ATP2A3: variants seen among roughly 807,000 people sequenced by gnomAD.
ATP2A3 encodes the protein sarcoplasmic/endoplasmic reticulum calcium ATPase 3.
In ATP2A3, 61 loss-of-function variants were observed where a neutral mutation model predicts 106.8. That is an observed-to-expected ratio of 0.57 (90% CI 0.46 to 0.71). The LOEUF (loss-of-function observed/expected upper bound fraction) is 0.71, where lower values mean the gene tolerates loss of function less well. ATP2A3 is among the 30% of genes least tolerant of loss of function. ATP2A3 has a pLI of 0.00. For missense variants in ATP2A3, 1,201 were observed against 1,423.5 expected (o/e 0.84, Z 2.52); for synonymous variants, 611 against 609.3 (o/e 1.00, Z -0.04).
chr17:3,937,352 T>A (rs1328393076), intron 15 of ATP2A3, 64 bp downstream of exon 15: 1 of 1,547,496 alleles, frequency 6.5e-7, no homozygotes, highest in African/African-American at 1.4e-5. Flanking sequence ...GAACAGGCGT[T>A]TTCCCCATCT....
At chr17:3,954,496 GA>G (rs2054646883) in intron 1 of ATP2A3, among the ~76,000 whole-genome samples, 1 of 120,644 alleles carries the variant, frequency 8.3e-6, no homozygotes, top group Admixed American at 8.9e-5. Context: ...TTGAGGTGCT[GA>G]TTTTTTTTTT....
intron 1 of ATP2A3, among the ~76,000 whole-genome samples, chr17:3,962,503 A>G (rs2055194682): frequency 1.3e-5 from 2 of 152,006 alleles, no homozygotes; most frequent in South Asian, 2.1e-4. Flanking sequence ...TCCCTCCCCA[A>G]CTTTTCCCAT....
intron 1 of ATP2A3, among the ~76,000 whole-genome samples, chr17:3,957,184 A>G (rs2054831745): frequency 6.6e-6 from 1 of 152,198 alleles, no homozygotes; most frequent in South Asian, 2.1e-4. Context: ...CCTTATTCTC[A>G]TGATCCGCAA....
chr17:3,930,474 G>A lies in ATP2A3; in HGVS notation c.2611-40C>T. 6.2e-7 allele frequency: 1 copy of A among 1,611,528 alleles called. No individual in the cohort carries two copies. Among genetic ancestry groups the A allele is most frequent in the Non-Finnish European group, 8.5e-7 (1 of 1,179,772 alleles). On this transcript the variant is annotated intron_variant, in intron 17 of 20. Transcript: ENST00000397041. The surrounding 1 kb of genome is among the most constrained non-coding windows in gnomAD (Gnocchi z 5.4). ...GCAGGTCAGAGAGAGCGGCAGGTCA[G>A]GCGAGGGGCTGGTGGGTGGGAGGAG...
rs762316175 is a variant in ATP2A3 at position 3,943,477 on chromosome 17, G to C, written c.1333C>G (p.Leu445Val). ...EKVGEATETA[L>V]TCLVEKMNVF... ...TTCATCTTCTCCACCAGGCAAGTCA[G>C]AGCTGTCTCCGTGGCCTCTCCCACC... Residue 445 changes from leucine to valine, a missense_variant, in exon 11 of 21, where the codon CTG (leucine) becomes GTG (valine). Transcript: ENST00000397041. 1 of 1,614,092 alleles carries C rather than the reference G, an allele frequency of 6.2e-7. No homozygotes were observed. Among genetic ancestry groups the C allele is most frequent in the Non-Finnish European group, 8.5e-7 (1 of 1,179,996 alleles).
chr17:3,946,999 C>T (rs1175386787), intron 8 of ATP2A3, among the ~76,000 whole-genome samples: 2 of 152,222 alleles, frequency 1.3e-5, no homozygotes, highest in African/African-American at 4.8e-5. Flanking sequence ...GTCGACTGCA[C>T]AGAGTCATGA....
chr17:3,940,884 C>G (rs2053723137), intron 14 of ATP2A3, 87 bp downstream of exon 14: 1 of 1,425,142 alleles, frequency 7.0e-7, no homozygotes, highest in Admixed American at 1.7e-5. Context: ...AAGAATGAGG[C>G]AGAGGGGAGA....
At chr17:3,960,860 G>A (rs575792962) in intron 1 of ATP2A3, among the ~76,000 whole-genome samples, 38 of 152,286 alleles carry the variant, frequency 2.5e-4, no homozygotes, top group African/African-American at 8.7e-4. Flanking sequence ...CCAGGAATGC[G>A]TCCTTCAGTG....
rs2054035217 is a variant in ATP2A3, at chr17:3,945,098, G to T, written c.1146C>A (p.Phe382Leu). Residue 382 changes from phenylalanine to leucine, a missense_variant, in exon 9 of 21, where the codon TTC (phenylalanine) becomes TTA (leucine). By Grantham distance (22) the Phe-to-Leu change is conservative. Coordinates refer to ENST00000397041, the MANE Select transcript of ATP2A3 (RefSeq NM_005173.4). ...GGGTATACGTGGTACCCGAGATGGT[G>T]AACTCGTGCAAAAGGCAGGAGCCCG... is the stretch of plus-strand genomic sequence containing the variant. ...ADAGSCLLHE[F>L]TISGTTYTPE... 1.9e-6 allele frequency: 3 copies of T among 1,548,036 alleles called. No homozygotes were observed. Among genetic ancestry groups the T allele is most frequent in the African/African-American group, 1.4e-5 (1 of 72,914 alleles).
At chr17:3,934,925 A>G in intron 17 of ATP2A3, 1 of 484,052 alleles carries the variant, frequency 2.1e-6, no homozygotes, top group Non-Finnish European at 3.8e-6. Context: ...GTCCCTTGAC[A>G]AAGGTAAGAT....
chr17:3,942,055 T>C (rs552540413), intron 12 of ATP2A3, among the ~76,000 whole-genome samples: 1 of 152,242 alleles, frequency 6.6e-6, no homozygotes, highest in East Asian at 1.9e-4. Flanking sequence ...GAGCCCTGCC[T>C]GGGGACCAGA....
chr17:3,962,868 T>C (rs1259414536), intron 1 of ATP2A3, among the ~76,000 whole-genome samples: 3 of 152,188 alleles, frequency 2.0e-5, no homozygotes, highest in African/African-American at 7.2e-5. Context: ...CAGACCTGCC[T>C]GCGCCGGCCC....
In ATP2A3 at chr17:3,928,654, C is replaced by G. The variant is rs967449446; in HGVS notation, c.2980+9G>C. 3.2e-6 allele frequency: 5 copies of G among 1,548,278 alleles called. No homozygotes were observed. Among genetic ancestry groups the G allele is most frequent in the Non-Finnish European group, 4.4e-6 (5 of 1,144,754 alleles). ...GCAGGCTGGAGGCGGGACGGGGCCT[C>G]CCACTCACCGTGCATGTGGTTCCGG... On this transcript the variant is annotated intron_variant, in intron 20 of 20. Coordinates refer to ENST00000397041, the MANE Select transcript of ATP2A3 (RefSeq NM_005173.4). The surrounding 1 kb of genome is among the most constrained non-coding windows in gnomAD (Gnocchi z 6.1).
At chr17:3,959,693 G>C (rs150055119) in intron 1 of ATP2A3, among the ~76,000 whole-genome samples, 1 of 152,374 alleles carries the variant, frequency 6.6e-6, no homozygotes, top group East Asian at 1.9e-4. Flanking sequence ...GCAGAGTCAG[G>C]AAGAGGCCCT....
intron 1 of ATP2A3, among the ~76,000 whole-genome samples, chr17:3,954,410 G>A (rs1216882905): frequency 2.5e-5 from 2 of 79,276 alleles, no homozygotes; most frequent in Non-Finnish European, 4.9e-5. Flanking sequence ...CCCCAGCCCC[G>A]CCCCACATAC....
At position 3,964,314 on chromosome 17, in the gene ATP2A3, C is replaced by A. The variant is rs2055319624; in HGVS notation, c.-23G>T. ...CATGCCGCCCGCCCGGCCGTCTGCG[C>A]CGTCCGCACCGTCGAGGCCGCCTCT... On this transcript the variant is annotated 5_prime_UTR_variant, in exon 1 of 21. Transcript: ENST00000397041. 8.4e-7 allele frequency: 1 copy of A among 1,188,088 alleles called. No homozygotes were observed. The highest frequency in any genetic ancestry group is 1.1e-6 in the Non-Finnish European group (1 of 946,816). 73.6% of individuals were successfully genotyped at this position (1,188,088 alleles called of 1,614,324 possible). A position where few individuals can be genotyped will look rare whatever the true frequency, so the allele number is the denominator to read the frequency against.
Position 3,924,441 on chromosome 17 carries a change from G to A in ATP2A3, c.*981C>T, listed in dbSNP as rs1386193192. ...CATGGGTGTCGTGGGGAGGGGGCAA[G>A]GAGTGAGGCCAAGAGTCCAGGAAGC... On this transcript the variant is annotated 3_prime_UTR_variant, in exon 21 of 21. Coordinates refer to ENST00000397041, the MANE Select transcript of ATP2A3 (RefSeq NM_005173.4). The surrounding 1 kb of genome is among the most constrained non-coding windows in gnomAD (Gnocchi z 6.4). 3 of 236,840 alleles carry A rather than the reference G, an allele frequency of 1.3e-5. No individual in the cohort carries two copies. The highest frequency in any genetic ancestry group is 6.9e-5 in the African/African-American group (3 of 43,234). The allele number at this position is 236,840 out of a possible 1,614,324, so 14.7% of individuals were successfully genotyped here. A position where few individuals can be genotyped will look rare whatever the true frequency, so the allele number is the denominator to read the frequency against.
rs1413011838 is a variant in ATP2A3, at chr17:3,955,031, C to A, written c.119-1321G>T. On this transcript the variant is annotated intron_variant, in intron 1 of 20. Coordinates refer to ENST00000397041, the MANE Select transcript of ATP2A3 (RefSeq NM_005173.4). This position sits in a 1 kb window ranked among gnomAD's most constrained non-coding sequence, Gnocchi z 4.2. ...GGGGATGAGAGGGGCGGGAGCCAGG[C>A]TCTGCAGGGTGGGCTTGGAGAAGCT... Among the ~76,000 whole-genome samples, 1 of 152,174 alleles carries A rather than the reference C, an allele frequency of 6.6e-6. No homozygotes were observed. Among genetic ancestry groups the A allele is most frequent in the Non-Finnish European group, 1.5e-5 (1 of 68,030 alleles).
intron 11 of ATP2A3, among the ~76,000 whole-genome samples, chr17:3,943,080 G>C (rs2053874407): frequency 6.6e-6 from 1 of 152,212 alleles, no homozygotes; most frequent in Non-Finnish European, 1.5e-5. Context: ...CTGAGGTCAG[G>C]AGTTTCAGAC....
Sources: allele counts gnomAD v4.1 joint callset (sites outside exome capture counted in the v4.1 genomes callset), GRCh38; gene constraint gnomAD v4.1.1; non-coding constraint Gnocchi (gnomAD v3.1); transcripts MANE v1.5; gene names NCBI Gene and HGNC (gene_info 2026-07-23, HGNC 2026-07-21).